MGAT4C: variants seen among roughly 807,000 people sequenced by gnomAD.
MGAT4C encodes MGAT4 family member C, also known as alpha-1,3-mannosyl-glycoprotein 4-beta-N-acetylglucosaminyltransferase C.
MGAT4C carries 19 observed loss-of-function variants against 40.1 expected under a neutral mutation model. The observed-to-expected ratio is 0.47, with a 90% CI of 0.33 to 0.70. The LOEUF (loss-of-function observed/expected upper bound fraction) is 0.70, where lower values mean the gene tolerates loss of function less well. Among genes scored for constraint, MGAT4C ranks in the 30% least tolerant of loss-of-function variants. The pLI is 0.02. For missense variants in MGAT4C, 491 were observed against 563.2 expected (o/e 0.87, Z 1.30); for synonymous variants, 181 against 187.1 (o/e 0.97, Z 0.27).
At chr12:86,030,620 A>G (rs1337085263) in intron 2 of MGAT4C, among the ~76,000 whole-genome samples, 2 of 151,762 alleles carry the variant, frequency 1.3e-5, no homozygotes, top group East Asian at 3.9e-4. Flanking sequence ...TTTGATTAGT[A>G]TATATATTTA....
At chr12:86,310,031 TA>T (rs1009932000) in intron 4 of MGAT4C, among the ~76,000 whole-genome samples, 8 of 151,942 alleles carry the variant, frequency 5.3e-5, no homozygotes, top group Admixed American at 4.6e-4. Context: ...AAGACCCTAT[TA>T]AAAAAATAAA....
At chr12:86,381,271 G>GA (rs1457513425) in intron 3 of MGAT4C, among the ~76,000 whole-genome samples, 1 of 152,078 alleles carries the variant, frequency 6.6e-6, no homozygotes, top group South Asian at 2.1e-4. Flanking sequence ...AAAGAGCTGG[G>GA]ATCTCAAGAT....
intron 2 of MGAT4C, among the ~76,000 whole-genome samples, chr12:86,044,524 G>A (rs759620952): frequency 3.2e-4 from 49 of 152,102 alleles, no homozygotes; most frequent in Non-Finnish European, 5.0e-4. Flanking sequence ...AGGTCCACTC[G>A]CATGTGTGCA....
At chr12:86,052,794 C>A (rs1592789279) in intron 1 of MGAT4C, among the ~76,000 whole-genome samples, 1 of 151,828 alleles carries the variant, frequency 6.6e-6, no homozygotes, top group East Asian at 1.9e-4. Flanking sequence ...TCAAGAGAAA[C>A]CTATGGTCAG....
In MGAT4C at chr12:85,962,058, A is replaced by AT. The variant is rs1883138526; in HGVS notation, c.*17230dup. The stretch of plus-strand genomic sequence containing the variant: ...CCCCTTAGAAACTCTTAAATCTTCA[A>AT]TTTATAAAAGTCATCCTAAGACGTT... On this transcript the variant is annotated 3_prime_UTR_variant, in exon 5 of 5. Transcript: ENST00000611864. The AT allele has an allele frequency of 6.6e-6, 1 of 151,856 alleles. No individual in the cohort carries two copies. 9.4% of individuals were successfully genotyped at this position (151,856 alleles called of 1,614,324 possible).
chr12:86,765,871 T>A (rs1354609202), intron 1 of MGAT4C, among the ~76,000 whole-genome samples: 1 of 151,998 alleles, frequency 6.6e-6, no homozygotes, highest in Admixed American at 6.6e-5. Context: ...AAGGAAGCAA[T>A]AAACATGGAA....
chr12:86,515,236 A>C (rs1022681170), intron 2 of MGAT4C, among the ~76,000 whole-genome samples: 2 of 152,208 alleles, frequency 1.3e-5, no homozygotes, highest in Non-Finnish European at 2.9e-5. Flanking sequence ...GCAATAGGAC[A>C]AAATAATTCA....
intron 2 of MGAT4C, among the ~76,000 whole-genome samples, chr12:86,461,091 C>T (rs1197125460): frequency 2.6e-5 from 4 of 151,948 alleles, no homozygotes; most frequent in Non-Finnish European, 5.9e-5. Flanking sequence ...GGTCTCAAAG[C>T]CATTCAAGTG....
chr12:85,991,884 T>C (rs1004396874), intron 2 of MGAT4C, among the ~76,000 whole-genome samples: 3 of 152,184 alleles, frequency 2.0e-5, no homozygotes, highest in African/African-American at 7.2e-5. Flanking sequence ...AGGTGAGATT[T>C]CATCAGAGCA....
chr12:85,989,994 G>A (rs1396417062), intron 2 of MGAT4C, among the ~76,000 whole-genome samples: 2 of 152,080 alleles, frequency 1.3e-5, no homozygotes, highest in Admixed American at 6.5e-5. Context: ...TAATCTCAGA[G>A]TAGGTGTCAA....
intron 2 of MGAT4C, among the ~76,000 whole-genome samples, chr12:86,655,170 T>A (rs1963812440): frequency 6.6e-6 from 1 of 151,998 alleles, no homozygotes; most frequent in Non-Finnish European, 1.5e-5. Context: ...ATTTCTCTAA[T>A]GTTGTCCCTC....
intron 2 of MGAT4C, among the ~76,000 whole-genome samples, chr12:86,686,454 A>G (rs1336440530): frequency 6.6e-6 from 1 of 152,134 alleles, no homozygotes; most frequent in Non-Finnish European, 1.5e-5. Context: ...CCCATTCACT[A>G]TGATATTTGC....
Position 86,185,799 on chromosome 12 carries a change from C to T in MGAT4C, c.-57+70440G>A, listed in dbSNP as rs561196565. ...CATCAAACAACTTTTATTGTAAGAA[C>T]ACGAGTATTTTACAAAATGCAGAAC... On this transcript the variant is annotated intron_variant, in intron 1 of 4. Transcript: ENST00000611864. 3.3e-5 allele frequency among the ~76,000 whole-genome samples: 5 copies of T among 152,088 alleles called. No individual in the cohort carries two copies. In the South Asian group the frequency reaches 6.2e-4, roughly 19 times the overall value.
intron 3 of MGAT4C, among the ~76,000 whole-genome samples, chr12:86,393,915 A>G (rs548925889): frequency 6.6e-6 from 1 of 152,290 alleles, no homozygotes; most frequent in East Asian, 1.9e-4. Context: ...CCTTGTCAGG[A>G]TTTAGTGGAG....
intron 1 of MGAT4C, among the ~76,000 whole-genome samples, chr12:86,129,980 T>C: frequency 6.6e-6 from 1 of 152,216 alleles, no homozygotes; most frequent in East Asian, 1.9e-4. Context: ...ATACTTTTAC[T>C]AAGAGATAGA....
In MGAT4C at chr12:85,971,077, A is replaced by C. The variant is rs1883600585; in HGVS notation, c.*8212T>G. 1 of 151,284 alleles carries C rather than the reference A, an allele frequency of 6.6e-6. No individual in the cohort carries two copies. The highest frequency in any genetic ancestry group is 6.6e-5 in the Admixed American group (1 of 15,146). The allele number at this position is 151,284 out of a possible 1,614,324, so 9.4% of individuals were successfully genotyped here. ...GTTATTCAATTTACTGATGAAAATC[A>C]GAAGAATGTTGAAAAATTAGTGCAT... On this transcript the variant is annotated 3_prime_UTR_variant, in exon 5 of 5. Coordinates refer to ENST00000611864, the MANE Select transcript of MGAT4C (RefSeq NM_001351288.2).
At chr12:86,186,796 C>A (rs1888807337) in intron 1 of MGAT4C, among the ~76,000 whole-genome samples, 1 of 152,078 alleles carries the variant, frequency 6.6e-6, no homozygotes, top group African/African-American at 2.4e-5. Context: ...TTCGTAAGAC[C>A]AGTTACATCT....
At chr12:86,291,884 G>A (rs2136128955) in intron 4 of MGAT4C, among the ~76,000 whole-genome samples, 1 of 152,268 alleles carries the variant, frequency 6.6e-6, no homozygotes, top group African/African-American at 2.4e-5. Flanking sequence ...ATACTGGGTG[G>A]CCAAAGGGTA....
chr12:86,009,434 T>G (rs1304645357), intron 2 of MGAT4C, among the ~76,000 whole-genome samples: 1 of 152,160 alleles, frequency 6.6e-6, no homozygotes, highest in Non-Finnish European at 1.5e-5. Context: ...CTCTCTAGTA[T>G]CTGCTTGTGA....
Sources: gnomAD v4.1 joint callset for allele counts (sites outside exome capture counted in the v4.1 genomes callset) on GRCh38, gnomAD v4.1.1 for gene constraint, MANE v1.5 for transcripts, NCBI Gene and HGNC (gene_info 2026-07-23, HGNC 2026-07-21) for gene names.